The following RAF1 variants were observed in gnomAD, a reference collection of about 807,000 sequenced individuals.
RAF1 encodes the protein Raf-1 proto-oncogene, serine/threonine kinase.
In RAF1, 27 loss-of-function variants were observed where a neutral mutation model predicts 81.1. The observed-to-expected ratio is 0.33, with a 90% confidence interval of 0.25 to 0.46. RAF1 has a LOEUF of 0.46. Ranked by LOEUF, RAF1 falls within the 20% of genes least tolerant of loss-of-function variation. RAF1 has a pLI of 1.00. For missense variants in RAF1, 598 were observed against 826.0 expected (o/e 0.72, Z 3.38); for synonymous variants, 298 against 294.0 (o/e 1.01, Z -0.14).
At chr3:12,633,779 A>G (rs2125505393) in intron 1 of RAF1, among the ~76,000 whole-genome samples, 1 of 152,000 alleles carries the variant, frequency 6.6e-6, no homozygotes, top group Middle Eastern at 3.4e-3. Flanking sequence ...ACTAAAAAAT[A>G]CAAAAATTAG....
intron 1 of RAF1, among the ~76,000 whole-genome samples, chr3:12,660,729 C>T (rs557098682): frequency 6.6e-6 from 1 of 152,286 alleles, no homozygotes; most frequent in Admixed American, 6.5e-5. Flanking sequence ...GTAATCCCAG[C>T]ACTTTGCAAG....
At chr3:12,627,881 A>T (rs1395465655) in intron 1 of RAF1, among the ~76,000 whole-genome samples, 2 of 152,226 alleles carry the variant, frequency 1.3e-5, no homozygotes, top group African/African-American at 4.8e-5. Context: ...GCACTATGGG[A>T]GGCCGAAGCA....
chr3:12,651,904 G>C (rs1468785805), intron 1 of RAF1, among the ~76,000 whole-genome samples: 1 of 151,378 alleles, frequency 6.6e-6, no homozygotes, highest in Admixed American at 6.6e-5. Context: ...AGCTACTCGG[G>C]AGGCTGAGTC....
chr3:12,610,153 T>G (rs1228574786), intron 3 of RAF1, among the ~76,000 whole-genome samples: 4 of 152,208 alleles, frequency 2.6e-5, no homozygotes, highest in Non-Finnish European at 4.4e-5. Flanking sequence ...AATTCCTTTC[T>G]TATGTTTTAT....
chr3:12,599,904 A>T, intron 10 of RAF1, 96 bp from the exon 10 acceptor site: 1 of 1,219,466 alleles, frequency 8.2e-7, no homozygotes, highest in Non-Finnish European at 1.2e-6. Context: ...ATCTGTTTCC[A>T]TATCTTTTAA....
At chr3:12,626,709 GT>G (rs913565235) in intron 1 of RAF1, among the ~76,000 whole-genome samples, 15 of 151,952 alleles carry the variant, frequency 9.9e-5, no homozygotes, top group African/African-American at 3.4e-4. Flanking sequence ...CAATGATAAA[GT>G]TTTTTTTGTT....
intron 1 of RAF1, among the ~76,000 whole-genome samples, chr3:12,663,389 TAA>T (rs1254142807): frequency 2.0e-5 from 3 of 152,184 alleles, no homozygotes; most frequent in African/African-American, 7.2e-5. Context: ...ACGTCGTCTC[TAA>T]AAGGGTGTCA....
intron 1 of RAF1, among the ~76,000 whole-genome samples, chr3:12,663,189 C>T (rs1188288786): frequency 1.3e-5 from 2 of 152,174 alleles, no homozygotes; most frequent in Non-Finnish European, 2.9e-5. Flanking sequence ...GCGGCTCTCG[C>T]GTCACACAAA....
intron 1 of RAF1, among the ~76,000 whole-genome samples, chr3:12,654,461 G>A (rs909933003): frequency 3.3e-5 from 5 of 151,814 alleles, no homozygotes; most frequent in Non-Finnish European, 7.4e-5. Flanking sequence ...AATTAGCTGA[G>A]TGTGGTGGCA....
intron 6 of RAF1, 60 bp downstream of exon 6, chr3:12,606,141 G>C (rs1199726813): frequency 4.6e-6 from 6 of 1,313,364 alleles, no homozygotes; most frequent in Non-Finnish European, 6.6e-6. Context: ...TTGTCTTCAA[G>C]CTTCCAACCC....
chr3:12,583,908 T>C lies in RAF1; in HGVS notation c.*606A>G, dbSNP rs556460176. The C allele has an allele frequency of 7.2e-5, 17 of 235,230 alleles. No homozygotes were observed. In the South Asian group the frequency reaches 3.0e-3, roughly 42 times the overall value. The allele number at this position is 235,230 out of a possible 1,614,324, so 14.6% of individuals were successfully genotyped here. ...ATGCGGATTGGCCGAGTGCCTTGCC[T>C]GGAAAACCATCCCAATGCACTGGAC... On this transcript the variant is annotated 3_prime_UTR_variant, in exon 18 of 18. Transcript: ENST00000442415.
At chr3:12,651,838 C>G (rs576066765) in intron 1 of RAF1, among the ~76,000 whole-genome samples, 15 of 150,200 alleles carry the variant, frequency 1.0e-4, no homozygotes, top group South Asian at 6.3e-4. Context: ...GGTGAAAACC[C>G]GTCTCTACTA....
intron 1 of RAF1, among the ~76,000 whole-genome samples, chr3:12,627,587 ACTT>A (rs1353270939): frequency 1.3e-5 from 2 of 152,096 alleles, no homozygotes; most frequent in Non-Finnish European, 2.9e-5. Flanking sequence ...ATTTATATAA[ACTT>A]CTCTACAACT....
Position 12,584,045 on chromosome 3 carries a change from ATGT to A in RAF1, c.*466_*468del. The A allele has an allele frequency of 3.6e-6, 1 of 281,036 alleles. No homozygotes were observed. Among genetic ancestry groups the A allele is most frequent in the East Asian group, 5.0e-5 (1 of 19,850 alleles). 17.4% of individuals were successfully genotyped at this position (281,036 alleles called of 1,614,324 possible). On this transcript the variant is annotated 3_prime_UTR_variant, in exon 18 of 18. Transcript: ENST00000442415. ...GCAGTCCTGGGCTGTTTGGTGCCTTATGTGCAAAATGTCTGGCGCTGCACCACT... is the reference window on the plus strand; with the variant it reads ...GCAGTCCTGGGCTGTTTGGTGCCTTAGCAAAATGTCTGGCGCTGCACCACT...
chr3:12,622,309 A>C (rs2059579174), intron 1 of RAF1, among the ~76,000 whole-genome samples: 2 of 152,304 alleles, frequency 1.3e-5, no homozygotes, highest in South Asian at 4.1e-4. Context: ...TACAGCTCCT[A>C]ATAATCCATG....
At chr3:12,607,777 C>T (rs576253268) in intron 5 of RAF1, among the ~76,000 whole-genome samples, 2 of 151,402 alleles carry the variant, frequency 1.3e-5, no homozygotes, top group South Asian at 4.2e-4. Context: ...ATGGTGAAAC[C>T]TCATCTCTAC....
At chr3:12,605,802 C>T (rs1359243029) in intron 6 of RAF1, among the ~76,000 whole-genome samples, 1 of 152,148 alleles carries the variant, frequency 6.6e-6, no homozygotes, top group Non-Finnish European at 1.5e-5. Context: ...ATGGTTTTAG[C>T]AAATGCATCG....
chr3:12,640,344 C>T (rs1036982458), intron 1 of RAF1, among the ~76,000 whole-genome samples: 5 of 152,104 alleles, frequency 3.3e-5, no homozygotes, highest in Non-Finnish European at 7.4e-5. Context: ...AAAGCAAGGG[C>T]AACAAAAGCC....
At chr3:12,655,870 G>A (rs1374122637) in intron 1 of RAF1, among the ~76,000 whole-genome samples, 1 of 152,016 alleles carries the variant, frequency 6.6e-6, no homozygotes, top group Non-Finnish European at 1.5e-5. Flanking sequence ...CCTGGAATAG[G>A]CAAATTCATA....
Sources: allele counts gnomAD v4.1 joint callset (sites outside exome capture counted in the v4.1 genomes callset), GRCh38; gene constraint gnomAD v4.1.1; transcripts MANE v1.5; gene names NCBI Gene and HGNC (gene_info 2026-07-23, HGNC 2026-07-21).